The following FREM3 variants were observed in gnomAD, a reference collection of about 807,000 sequenced individuals.
FREM3 encodes the protein FRAS1-related extracellular matrix protein 3.
FREM3 carries 105 observed loss-of-function variants against 129.1 expected under a neutral mutation model. The observed-to-expected ratio is 0.81, with a 90% CI of 0.69 to 0.96. The LOEUF is 0.96. Ranked by LOEUF, FREM3 falls within the 40% of genes least tolerant of loss-of-function variation. FREM3 has a pLI of 0.00. For missense variants in FREM3, 2,593 were observed against 2,666.3 expected (o/e 0.97, Z 0.61); for synonymous variants, 1,014 against 1,044.9 (o/e 0.97, Z 0.57).
chr4:143,683,319 C>T (rs917550642), intron 2 of FREM3, among the ~76,000 whole-genome samples: 1 of 152,212 alleles, frequency 6.6e-6, no homozygotes, highest in African/African-American at 2.4e-5. Flanking sequence ...ACTGTTCCTG[C>T]AGGACCTGGG....
intron 6 of FREM3, among the ~76,000 whole-genome samples, chr4:143,592,607 T>A (rs1347333920): frequency 6.6e-6 from 1 of 152,210 alleles, no homozygotes; most frequent in Non-Finnish European, 1.5e-5. Context: ...TGCTGAGAGA[T>A]CAGCAGTTAG....
chr4:143,631,329 G>GTATTTATTTATTTATT (rs112309816), intron 2 of FREM3, among the ~76,000 whole-genome samples: 10 of 151,478 alleles, frequency 6.6e-5, no homozygotes, highest in African/African-American at 2.4e-4. Context: ...TTATAATGCT[G>GTATTTATTTATTTATT]TATTTATTTA....
At chr4:143,664,147 G>A (rs1158329569) in intron 2 of FREM3, among the ~76,000 whole-genome samples, 3 of 152,250 alleles carry the variant, frequency 2.0e-5, no homozygotes, top group Non-Finnish European at 2.9e-5. Flanking sequence ...TTCCTTTGGA[G>A]GAGGAGAGGC....
intron 2 of FREM3, among the ~76,000 whole-genome samples, chr4:143,665,406 A>G (rs1161300106): frequency 1.3e-5 from 2 of 152,070 alleles, no homozygotes; most frequent in African/African-American, 4.8e-5. Context: ...AGCAAGGATT[A>G]TGTCTTTTTC....
At chr4:143,648,423 G>C (rs527711686) in intron 2 of FREM3, among the ~76,000 whole-genome samples, 2 of 152,310 alleles carry the variant, frequency 1.3e-5, no homozygotes, top group Non-Finnish European at 2.9e-5. Context: ...GCCAGGGATG[G>C]AGTGAAATGG....
intron 7 of FREM3, among the ~76,000 whole-genome samples, chr4:143,580,885 A>G (rs1035005510): frequency 2.0e-5 from 3 of 152,174 alleles, no homozygotes; most frequent in African/African-American, 7.2e-5. Flanking sequence ...TGTTTTCCCC[A>G]TGAGTCCTGC....
At chr4:143,580,107 A>T (rs1479322149) in intron 7 of FREM3, among the ~76,000 whole-genome samples, 1 of 152,212 alleles carries the variant, frequency 6.6e-6, no homozygotes, top group Non-Finnish European at 1.5e-5. Context: ...AAAGAATGAA[A>T]AAAAGGGGAG....
chr4:143,663,963 G>T (rs1186904083), intron 2 of FREM3, among the ~76,000 whole-genome samples: 2 of 152,006 alleles, frequency 1.3e-5, no homozygotes, highest in Non-Finnish European at 2.9e-5. Context: ...TCTCTGTATT[G>T]GTTATTCTAG....
intron 2 of FREM3, among the ~76,000 whole-genome samples, chr4:143,667,039 T>A (rs1160246320): frequency 6.6e-6 from 1 of 152,146 alleles, no homozygotes; most frequent in Non-Finnish European, 1.5e-5. Flanking sequence ...TAATAATGGC[T>A]GTGAAGAGTA....
intron 7 of FREM3, among the ~76,000 whole-genome samples, chr4:143,578,482 A>C (rs1207933214): frequency 2.0e-5 from 3 of 152,240 alleles, no homozygotes; most frequent in Non-Finnish European, 2.9e-5. Flanking sequence ...TAAATCGAGG[A>C]ACAGAATATT....
intron 3 of FREM3, 37 bp downstream of exon 3, chr4:143,627,577 A>G (rs1472514733): frequency 1.3e-5 from 19 of 1,497,348 alleles, no homozygotes; most frequent in Admixed American, 2.0e-5. Context: ...TCATGTTTCC[A>G]TGACCTTTTA....
intron 4 of FREM3, among the ~76,000 whole-genome samples, chr4:143,621,999 A>G (rs1738958999): frequency 6.6e-6 from 1 of 151,794 alleles, no homozygotes; most frequent in Non-Finnish European, 1.5e-5. Context: ...ACCACATTTA[A>G]TTTCCTCAGT....
chr4:143,662,260 A>G (rs1435698075), intron 2 of FREM3, among the ~76,000 whole-genome samples: 2 of 152,098 alleles, frequency 1.3e-5, no homozygotes, highest in Non-Finnish European at 2.9e-5. Flanking sequence ...ACTGCTTTGA[A>G]TGTGTCCCAG....
intron 2 of FREM3, among the ~76,000 whole-genome samples, chr4:143,661,253 G>A (rs549149968): frequency 1.6e-4 from 25 of 152,252 alleles, no homozygotes; most frequent in African/African-American, 2.2e-4. Context: ...TTTGAGATAC[G>A]TCCCATCAAT....
intron 2 of FREM3, among the ~76,000 whole-genome samples, chr4:143,645,742 A>G (rs913915283): frequency 6.6e-6 from 1 of 152,174 alleles, no homozygotes; most frequent in African/African-American, 2.4e-5. Context: ...TTATCTATTT[A>G]TCAATCTATC....
intron 2 of FREM3, among the ~76,000 whole-genome samples, chr4:143,691,614 C>T (rs1272056321): frequency 6.6e-6 from 1 of 152,174 alleles, no homozygotes; most frequent in Admixed American, 6.5e-5. Context: ...GCAAGTTATT[C>T]AACCATGGTG....
chr4:143,592,476 A>G (rs1457433245), intron 6 of FREM3, among the ~76,000 whole-genome samples: 1 of 152,116 alleles, frequency 6.6e-6, no homozygotes, highest in Non-Finnish European at 1.5e-5. Flanking sequence ...TCTGTGAAGT[A>G]TTTTATTTCT....
rs1259343081 is a variant in FREM3 at position 143,699,244 on chromosome 4, G to A, written c.1432C>T (p.His478Tyr). ...VKMAAVRGLR[H>Y]GQLVVFGAPA... ...GCCCCAAACACCACCAGCTGCCCAT[G>A]TCTCAAGCCCCTGACTGCAGCCATT... Residue 478 changes from histidine to tyrosine, a missense_variant, in exon 1 of 8, where the codon CAT (histidine) becomes TAT (tyrosine). Coordinates refer to ENST00000329798, the MANE Select transcript of FREM3 (RefSeq NM_001168235.2). The surrounding 1 kb of genome is among the most constrained non-coding windows in gnomAD (Gnocchi z 4.2). 2.1e-5 allele frequency: 33 copies of A among 1,537,310 alleles called. No homozygotes were observed. Among genetic ancestry groups the A allele is most frequent in the Non-Finnish European group, 2.8e-5 (32 of 1,146,936 alleles).
chr4:143,686,022 A>T (rs1020230788), intron 2 of FREM3, among the ~76,000 whole-genome samples: 1 of 152,182 alleles, frequency 6.6e-6, no homozygotes, highest in Non-Finnish European at 1.5e-5. Context: ...TATATATGAT[A>T]CAGAACCGCA....
Sources: gnomAD v4.1 joint callset for allele counts (sites outside exome capture counted in the v4.1 genomes callset) on GRCh38, gnomAD v4.1.1 for gene constraint, Gnocchi (gnomAD v3.1) non-coding constraint, MANE v1.5 for transcripts, NCBI Gene and HGNC (gene_info 2026-07-23, HGNC 2026-07-21) for gene names.